The following EPHA10 variants were observed in gnomAD, a reference collection of about 807,000 sequenced individuals.
EPHA10 encodes the protein EPH receptor A10.
In EPHA10, 120 loss-of-function variants were observed where a neutral mutation model predicts 109.7. The observed-to-expected ratio is 1.09, with a 90% confidence interval of 0.94 to 1.27. EPHA10 has a LOEUF of 1.27. Among genes scored for constraint, EPHA10 ranks in the 50% most tolerant of loss-of-function variants. The pLI is 0.00. For synonymous variants in EPHA10, 640 were observed against 618.9 expected (o/e 1.03, Z -0.51); for missense variants, 1,396 against 1,411.1 (o/e 0.99, Z 0.17).
At chr1:37,719,859 C>A in intron 14 of EPHA10, 50 bp downstream of exon 14, 1 of 1,613,524 alleles carries the variant, frequency 6.2e-7, no homozygotes. Context: ...AAGCTGGGGC[C>A]TGAGCTGAGA....
intron 4 of EPHA10, 105 bp from the exon 5 acceptor site, chr1:37,753,331 A>C: frequency 2.6e-6 from 2 of 759,696 alleles, no homozygotes; most frequent in Non-Finnish European, 3.6e-6. Context: ...CCAGTGAGGC[A>C]GGAGAAGCAG....
chr1:37,737,961 C>CTTTTTTTTTTTTTTTTT (rs1318614740), intron 5 of EPHA10: 1 of 25,458 alleles, frequency 3.9e-5, no homozygotes, highest in African/African-American at 1.1e-4. Flanking sequence ...TTTTTTTTTG[C>CTTTTTTTTTTTTTTTTT]TATCAAGCGA....
chr1:37,735,836 G>A (rs1368032732), intron 5 of EPHA10, among the ~76,000 whole-genome samples: 2 of 152,072 alleles, frequency 1.3e-5, no homozygotes, highest in South Asian at 2.1e-4. Flanking sequence ...ACTAGAAATA[G>A]AAGGAAATTA....
downstream of EPHA10, chr1:37,714,060 A>G (rs1645658471): frequency 6.6e-6 from 1 of 152,192 alleles, no homozygotes; most frequent in Non-Finnish European, 1.5e-5. Context: ...AACATTCTCC[A>G]GTTAGCCTTA....
chr1:37,723,170 G>A lies in EPHA10; in HGVS notation c.1835-4C>T. ...GTGCGACGTGTTGGGACTTTGACTG[G>A]GAGAGAAAGAGATGAGCCTGAGGAA... On this transcript the variant is annotated splice_polypyrimidine_tract_variant and splice_region_variant and intron_variant, in intron 9 of 16. Coordinates refer to ENST00000373048, the MANE Select transcript of EPHA10 (RefSeq NM_001099439.2). 4 of 1,612,230 alleles carry A rather than the reference G, an allele frequency of 2.5e-6. No individual in the cohort carries two copies. Among genetic ancestry groups the A allele is most frequent in the Non-Finnish European group, 3.4e-6 (4 of 1,178,868 alleles).
chr1:37,723,237 T>A, intron 9 of EPHA10, 71 bp from the exon 10 acceptor site: 1 of 1,606,964 alleles, frequency 6.2e-7, no homozygotes. Flanking sequence ...GCTCATGCAG[T>A]GTAGCAAGGC....
intron 8 of EPHA10, among the ~76,000 whole-genome samples, chr1:37,726,566 A>G (rs1283882661): frequency 1.3e-5 from 2 of 152,182 alleles, no homozygotes; most frequent in Non-Finnish European, 1.5e-5. Flanking sequence ...ATCTTCTCTG[A>G]ACCATACTCA....
intron 1 of EPHA10, among the ~76,000 whole-genome samples, chr1:37,763,407 G>A (rs1018896695): frequency 3.9e-5 from 6 of 152,066 alleles, no homozygotes; most frequent in Non-Finnish European, 8.8e-5. Flanking sequence ...TGATTATTGG[G>A]CCCATCCAGA....
chr1:37,754,329 G>T lies in EPHA10; in HGVS notation c.892C>A (p.Leu298Ile). 1 of 1,316,642 alleles carries T rather than the reference G, an allele frequency of 7.6e-7. No homozygotes were observed. Among genetic ancestry groups the T allele is most frequent in the Non-Finnish European group, 9.7e-7 (1 of 1,027,196 alleles). 81.6% of individuals were successfully genotyped at this position (1,316,642 alleles called of 1,614,324 possible). A position where few individuals can be genotyped will look rare whatever the true frequency, so the allele number is the denominator to read the frequency against. The change falls in exon 4 of 17, where the codon CTC becomes ATC. Residue 298 changes from leucine (L) to isoleucine (I), a missense_variant. Coordinates refer to ENST00000373048, the MANE Select transcript of EPHA10 (RefSeq NM_001099439.2). This position sits in a 1 kb window ranked among gnomAD's most constrained non-coding sequence, Gnocchi z 4.5. ...GFYKVSPRRP[L>I]CSPCPEHSRA... ...CTGTGCTCTGGGCACGGTGAGCAGAGGGGCCGCCGCGGGGACACCTTGTAA... is the reference window on the plus strand; with the variant it reads ...CTGTGCTCTGGGCACGGTGAGCAGATGGGCCGCCGCGGGGACACCTTGTAA...
chr1:37,726,926 T>C lies in EPHA10; in HGVS notation c.1772+176A>G, dbSNP rs566175594. Among the ~76,000 whole-genome samples, 68 of 152,320 alleles carry C rather than the reference T, an allele frequency of 4.5e-4. No homozygotes were observed. In the Middle Eastern group the frequency reaches 0.01, roughly 23 times the overall value. ...GCTAGCTGCAGTGCTGGCTGCCACA[T>C]GAACAGTGAGCTGGGGGGAGGGGCC... On this transcript the variant is annotated intron_variant, in intron 8 of 16. Coordinates refer to ENST00000373048, the MANE Select transcript of EPHA10 (RefSeq NM_001099439.2).
At chr1:37,714,556 G>GC (rs956347712), downstream of EPHA10, among the ~76,000 whole-genome samples, 3 of 152,106 alleles carry the variant, frequency 2.0e-5, no homozygotes, top group Admixed American at 6.5e-5. Flanking sequence ...GTTGAATTGT[G>GC]CCCCCCGCCA....
At position 37,731,269 on chromosome 1, in the gene EPHA10, GTAAT is replaced by G. The variant is rs111751182; in HGVS notation, c.1663+138_1663+141del. 0.011 allele frequency: 8,823 copies of G among 824,180 alleles called. 487 individuals are homozygous for G. In the African/African-American group the frequency reaches 0.13, roughly 12 times the overall value. The allele number at this position is 824,180 out of a possible 1,614,324, so 51.1% of individuals were successfully genotyped here. On this transcript the variant is annotated intron_variant, in intron 7 of 16. Transcript: ENST00000373048. ...TTCAAAGTCATTAATTAATTAGGCT[GTAAT>G]TAATTAAACTGTTCTGCAGGCTCCC...
At chr1:37,720,312 C>G (rs1645767846) in intron 13 of EPHA10, 39 bp downstream of exon 13, 6 of 1,560,566 alleles carry the variant, frequency 3.8e-6, no homozygotes, top group African/African-American at 1.4e-5. Flanking sequence ...TTGGTGGGAA[C>G]CAGAAGGCAC....
At chr1:37,723,523 T>C in intron 8 of EPHA10, 151 bp from the exon 9 acceptor site, 2 of 906,378 alleles carry the variant, frequency 2.2e-6, no homozygotes, top group East Asian at 2.7e-5. Flanking sequence ...TAAAAGCTTC[T>C]CTGTGGTTTG....
chr1:37,750,792 G>A (rs1157347143), intron 5 of EPHA10, among the ~76,000 whole-genome samples: 1 of 151,902 alleles, frequency 6.6e-6, no homozygotes, highest in East Asian at 1.9e-4. Context: ...TATTGCTCCT[G>A]GCCTCAGGCT....
intron 6 of EPHA10, among the ~76,000 whole-genome samples, chr1:37,732,399 T>C (rs1478208337): frequency 6.6e-6 from 1 of 152,112 alleles, no homozygotes; most frequent in African/African-American, 2.4e-5. Flanking sequence ...CGTCGTTTCG[T>C]CCCTGCCCAC....
chr1:37,734,903 G>A (rs949282440), intron 6 of EPHA10, among the ~76,000 whole-genome samples: 1 of 152,196 alleles, frequency 6.6e-6, no homozygotes, highest in African/African-American at 2.4e-5. Flanking sequence ...AATTAGAAAT[G>A]ATATGATCTT....
intron 5 of EPHA10, among the ~76,000 whole-genome samples, chr1:37,736,269 G>A (rs968777528): frequency 6.6e-6 from 1 of 152,116 alleles, no homozygotes; most frequent in African/African-American, 2.4e-5. Context: ...TTGAGGCCAG[G>A]AGTTCGAGAC....
At chr1:37,731,383 T>C in intron 7 of EPHA10, 28 bp downstream of exon 7, 1 of 1,561,704 alleles carries the variant, frequency 6.4e-7, no homozygotes, top group Non-Finnish European at 8.7e-7. Context: ...TCTGTCTAGG[T>C]CCCTGTCCAC....
Sources: gnomAD v4.1 joint callset for allele counts (sites outside exome capture counted in the v4.1 genomes callset) on GRCh38, gnomAD v4.1.1 for gene constraint, Gnocchi (gnomAD v3.1) non-coding constraint, MANE v1.5 for transcripts, NCBI Gene and HGNC (gene_info 2026-07-23, HGNC 2026-07-21) for gene names.